GLIS3: variants seen among roughly 807,000 people sequenced by gnomAD.
The protein encoded by GLIS3 is zinc finger protein GLIS3.
In GLIS3, 53 loss-of-function variants were observed where a neutral mutation model predicts 78.6. The observed-to-expected ratio is 0.67, with a 90% CI of 0.54 to 0.85. The LOEUF (loss-of-function observed/expected upper bound fraction) is 0.85. GLIS3 is among the 40% of genes least tolerant of loss of function. The pLI is 0.00. For synonymous variants in GLIS3, 684 were observed against 509.9 expected, an observed-to-expected ratio of 1.34 and a Z score of -4.60; for missense variants, 1,703 against 1,231.1, an observed-to-expected ratio of 1.38 and a Z score of -5.74.
chr9:4,411,160 C>A, the GLIS3 span, among the ~76,000 whole-genome samples: 1 of 152,172 alleles, frequency 6.6e-6, no homozygotes, highest in Non-Finnish European at 1.5e-5. Context: ...CTTGAATTTT[C>A]GGCCTAATTT....
At chr9:4,206,311 G>T (rs1308364222) in intron 2 of GLIS3, among the ~76,000 whole-genome samples, 3 of 152,170 alleles carry the variant, frequency 2.0e-5, no homozygotes, top group Admixed American at 6.5e-5. Context: ...GCTGTAATGA[G>T]GGTGTTCTAA....
chr9:4,094,319 A>G (rs1443114211), intron 4 of GLIS3, among the ~76,000 whole-genome samples: 1 of 152,228 alleles, frequency 6.6e-6, no homozygotes, highest in African/African-American at 2.4e-5. Context: ...ACATGCTCAT[A>G]TGTGGCTAGT....
chr9:4,137,285 G>A (rs1433500778), intron 2 of GLIS3, among the ~76,000 whole-genome samples: 1 of 152,156 alleles, frequency 6.6e-6, no homozygotes, highest in Non-Finnish European at 1.5e-5. Context: ...AGATTCGCAT[G>A]AATCATGCAA....
intron 2 of GLIS3, among the ~76,000 whole-genome samples, chr9:4,157,164 G>A (rs144429289): frequency 1.6e-4 from 24 of 152,172 alleles, no homozygotes; most frequent in African/African-American, 5.8e-4. Context: ...TTTGTTATGA[G>A]CTAGGCTCTG....
At chr9:4,404,148 A>G in the GLIS3 span, among the ~76,000 whole-genome samples, 1 of 152,240 alleles carries the variant, frequency 6.6e-6, no homozygotes, top group Admixed American at 6.5e-5. Flanking sequence ...AATAATGACA[A>G]AGGGGACAAT....
intron 1 of GLIS3, among the ~76,000 whole-genome samples, chr9:4,287,039 G>T (rs904453134): frequency 2.6e-5 from 4 of 152,098 alleles, no homozygotes; most frequent in African/African-American, 7.2e-5. Flanking sequence ...CCCTAGATTC[G>T]AAAAAGATGA....
At chr9:4,482,262 C>G in the GLIS3 span, among the ~76,000 whole-genome samples, 7 of 152,122 alleles carry the variant, frequency 4.6e-5, no homozygotes, top group African/African-American at 1.7e-4. Context: ...TCTATTGAAG[C>G]CAAGAGTTCA....
At chr9:3,989,663 A>G (rs1472094038) in intron 4 of GLIS3, among the ~76,000 whole-genome samples, 1 of 152,194 alleles carries the variant, frequency 6.6e-6, no homozygotes, top group Non-Finnish European at 1.5e-5. Context: ...TGTATGCAAC[A>G]TTTCTTAAAT....
intron 6 of GLIS3, among the ~76,000 whole-genome samples, chr9:3,902,199 T>C (rs1428999484): frequency 6.6e-6 from 1 of 152,232 alleles, no homozygotes; most frequent in East Asian, 1.9e-4. Flanking sequence ...GGCATGGTTC[T>C]AGAAAGGGCT....
chr9:4,177,477 T>C (rs1203795155), intron 2 of GLIS3, among the ~76,000 whole-genome samples: 5 of 152,166 alleles, frequency 3.3e-5, no homozygotes, highest in South Asian at 2.1e-4. Context: ...CTGAAACAGA[T>C]ACAGGTGAAG....
chr9:4,312,148 T>G (rs1333578345), intron 2 of GLIS3, among the ~76,000 whole-genome samples: 12 of 150,254 alleles, frequency 8.0e-5, no homozygotes, highest in African/African-American at 2.5e-4. Context: ...AAAGTTTTTG[T>G]TTTTGTTTTT....
At chr9:4,162,964 T>C (rs777657970) in intron 2 of GLIS3, among the ~76,000 whole-genome samples, 121 of 151,662 alleles carry the variant, frequency 8.0e-4, no homozygotes, top group Non-Finnish European at 1.5e-3. Flanking sequence ...TGAACTAATC[T>C]CTTCTCTGGA....
the GLIS3 span, among the ~76,000 whole-genome samples, chr9:4,376,530 G>C: frequency 1.9e-5 from 2 of 107,888 alleles, 1 homozygote; most frequent in East Asian, 5.6e-4. Context: ...AAAGCTAAAA[G>C]ACAAGCAAAC....
rs144866211 is a variant in GLIS3, at chr9:4,260,077, G to A, written c.388+25961C>T. Among the ~76,000 whole-genome samples, 558 of 152,026 alleles carry A rather than the reference G, an allele frequency of 3.7e-3. 1 individual carries two copies. Among genetic ancestry groups the A allele is most frequent in the Non-Finnish European group, 6.1e-3 (417 of 67,958 alleles). ...TATAGAAGGAACGATAGTGACCTCTGATCTACACACTTCAGGCCAAATCCC... is the reference window on the plus strand; with the variant it reads ...TATAGAAGGAACGATAGTGACCTCTAATCTACACACTTCAGGCCAAATCCC... On this transcript the variant is annotated intron_variant, in intron 2 of 10. Coordinates refer to ENST00000381971, the MANE Select transcript of GLIS3 (RefSeq NM_001042413.2).
chr9:4,278,700 C>T (rs1435908751), intron 2 of GLIS3, among the ~76,000 whole-genome samples: 2 of 152,198 alleles, frequency 1.3e-5, no homozygotes, highest in Non-Finnish European at 2.9e-5. Context: ...TGACAAGTAT[C>T]ATCAATGGAT....
At chr9:4,219,120 C>T (rs1338492207) in intron 2 of GLIS3, among the ~76,000 whole-genome samples, 2 of 152,192 alleles carry the variant, frequency 1.3e-5, no homozygotes, top group African/African-American at 4.8e-5. Context: ...ATTAGTGAAT[C>T]CTCCAGGAAT....
At chr9:4,341,450 C>T (rs923119068) in intron 2 of GLIS3, among the ~76,000 whole-genome samples, 3 of 152,216 alleles carry the variant, frequency 2.0e-5, no homozygotes, top group Non-Finnish European at 4.4e-5. Flanking sequence ...GAAGACTTGT[C>T]TCATTTCACA....
chr9:3,847,214 T>A (rs1019115101), intron 9 of GLIS3, among the ~76,000 whole-genome samples: 8 of 150,620 alleles, frequency 5.3e-5, no homozygotes, highest in African/African-American at 1.7e-4. Context: ...AATACATAAA[T>A]AAAAAAAAAT....
chr9:4,108,942 G>C (rs1388560683), intron 4 of GLIS3, among the ~76,000 whole-genome samples: 2 of 152,158 alleles, frequency 1.3e-5, no homozygotes, highest in African/African-American at 4.8e-5. Flanking sequence ...CGTGCTGCCA[G>C]AGAAAGAAGC....
Sources: gnomAD v4.1 joint callset for allele counts (sites outside exome capture counted in the v4.1 genomes callset) on GRCh38, gnomAD v4.1.1 for gene constraint, MANE v1.5 for transcripts, NCBI Gene and HGNC (gene_info 2026-07-23, HGNC 2026-07-21) for gene names.